The following TTLL10 variants were observed in gnomAD, a reference collection of about 807,000 sequenced individuals.
TTLL10 encodes tubulin tyrosine ligase like 10, also known as inactive polyglycylase TTLL10.
In TTLL10, 61 loss-of-function variants were observed where a neutral mutation model predicts 69.0. That is an observed-to-expected ratio of 0.88 (90% confidence interval 0.72 to 1.09). The LOEUF (loss-of-function observed/expected upper bound fraction) is 1.09, where lower values mean the gene tolerates loss of function less well. Ranked by LOEUF, TTLL10 falls within the 50% of genes least tolerant of loss-of-function variation. The pLI, the probability that TTLL10 is intolerant of heterozygous loss-of-function variation, is 0.00. For synonymous variants in TTLL10, 408 were observed against 393.3 expected (o/e 1.04, Z -0.44); for missense variants, 962 against 945.9 (o/e 1.02, Z -0.22).
chr1:1,197,180 AC>A lies in TTLL10; in HGVS notation c.1609del (p.Leu537TrpfsTer?). The A allele has an allele frequency of 6.5e-7, 1 of 1,548,468 alleles. No homozygotes were observed. The highest frequency in any genetic ancestry group is 8.7e-7 in the Non-Finnish European group (1 of 1,146,464). ...KEVIPGVVIE[T>X]LDLVLETFRK... ...GGTCATCCCAGGTGTGGTCATCGAG[AC>A]CCTGGGTGAGCCTCCAAGCCCCCAC... On this transcript the variant is annotated frameshift_variant, in exon 15 of 16. Transcript: ENST00000379289. LOFTEE classifies it high-confidence loss of function.
At chr1:1,193,181 C>T (rs1412190490) in intron 13 of TTLL10, among the ~76,000 whole-genome samples, 5 of 152,032 alleles carry the variant, frequency 3.3e-5, no homozygotes, top group Non-Finnish European at 5.9e-5. Context: ...AAACATTAGC[C>T]AGGCGTGGTG....
intron 13 of TTLL10, among the ~76,000 whole-genome samples, chr1:1,187,949 C>T (rs1647469926): frequency 6.6e-6 from 1 of 151,794 alleles, no homozygotes; most frequent in African/African-American, 2.4e-5. Flanking sequence ...GAAAATTACA[C>T]TTATGTTTCT....
chr1:1,182,738 C>G (rs1467786841), intron 10 of TTLL10, 138 bp from the exon 11 acceptor site: 2 of 1,235,792 alleles, frequency 1.6e-6, no homozygotes, highest in Non-Finnish European at 2.2e-6. Context: ...TGGGGCCAGG[C>G]GTGTGGTTAG....
chr1:1,196,260 G>A (rs534753874), intron 13 of TTLL10: 15 of 266,140 alleles, frequency 5.6e-5, no homozygotes, highest in African/African-American at 8.7e-5. Context: ...ACCAGAGCAC[G>A]TTAAAATACA....
intron 13 of TTLL10, among the ~76,000 whole-genome samples, chr1:1,195,652 CT>C (rs1485845489): frequency 1.3e-5 from 2 of 149,732 alleles, no homozygotes; most frequent in African/African-American, 4.9e-5. Context: ...GCCCATACTT[CT>C]TTTTTTTAGA....
In TTLL10 at chr1:1,185,820, T is replaced by C; in HGVS notation, c.1401+711T>C. The C allele has an allele frequency of 1.0e-6, 1 of 985,446 alleles. No individual in the cohort carries two copies. Among genetic ancestry groups the C allele is most frequent in the Non-Finnish European group, 1.2e-6 (1 of 829,924 alleles). 61.0% of individuals were successfully genotyped at this position (985,446 alleles called of 1,614,324 possible). Reference sequence around the variant, plus strand: ...CTTTCCTCACATCTCCCAAACTCTCTCTTAATTGCGATAATTCACAGAACA... The same window carrying C: ...CTTTCCTCACATCTCCCAAACTCTCCCTTAATTGCGATAATTCACAGAACA... On this transcript the variant is annotated intron_variant, in intron 13 of 15. Transcript: ENST00000379289. The surrounding 1 kb of genome is among the most constrained non-coding windows in gnomAD (Gnocchi z 6.1).
Position 1,182,348 on chromosome 1 carries a change from C to T in TTLL10, c.831-13C>T, listed in dbSNP as rs777950549. The T allele has an allele frequency of 3.7e-6, 6 of 1,612,400 alleles. No homozygotes were observed. Among genetic ancestry groups the T allele is most frequent in the East Asian group, 2.2e-5 (1 of 44,850 alleles). ...GGGACAGCAGCTCATCCTCCTGCCT[C>T]CCTGCCCTGCAGGGTCCTGAGAATG... is the stretch of plus-strand genomic sequence containing the variant. On this transcript the variant is annotated splice_polypyrimidine_tract_variant and intron_variant, in intron 9 of 15. Transcript: ENST00000379289.
rs1648277680 is a variant in TTLL10, at chr1:1,197,112, A to G, written c.1538A>G (p.Asn513Ser). ...DNFKVWLLEM[N>S]SNPALHTNCE... The stretch of plus-strand genomic sequence containing the variant: ...GGGCAGGTATGGCTGCTGGAGATGA[A>G]TTCTAACCCAGCCCTGCACACCAAC... Residue 513 changes from asparagine to serine, a missense_variant, in exon 15 of 16, where the codon AAT (asparagine) becomes AGT (serine). By Grantham distance (46) the Asn-to-Ser change is conservative (BLOSUM62 1). Transcript: ENST00000379289. 6.4e-7 allele frequency: 1 copy of G among 1,550,860 alleles called. No homozygotes were observed. Among genetic ancestry groups the G allele is most frequent in the African/African-American group, 1.4e-5 (1 of 72,938 alleles).
chr1:1,180,167 C>T lies in TTLL10; in HGVS notation c.333C>T (p.Pro111=), dbSNP rs773383865. 4 of 1,611,224 alleles carry T rather than the reference C, an allele frequency of 2.5e-6. No homozygotes were observed. Among genetic ancestry groups the T allele is most frequent in the South Asian group, 1.1e-5 (1 of 90,816 alleles). ...GGGCAGAAAGAGCCTCTGCCACACC[C>T]GGACCCCCTGGGCTCCTGAACAGCC... ...LEGAERASAT[P]GPPGLLNSHR... Residue 111 remains proline, a synonymous_variant, in exon 6 of 16, where the codon CCC becomes CCT. Coordinates refer to ENST00000379289, the MANE Select transcript of TTLL10 (RefSeq NM_001130045.2).
At position 1,196,713 on chromosome 1, in the gene TTLL10, C is replaced by T. The variant is rs1193160210; in HGVS notation, c.1515C>T (p.Phe505=). The T allele has an allele frequency of 4.5e-6, 7 of 1,548,910 alleles. No individual in the cohort carries two copies. Among genetic ancestry groups the T allele is most frequent in the Non-Finnish European group, 6.1e-6 (7 of 1,144,248 alleles). Residue 505 remains phenylalanine (F), a synonymous_variant, in exon 14 of 16, where the codon TTC becomes TTT. Coordinates refer to ENST00000379289, the MANE Select transcript of TTLL10 (RefSeq NM_001130045.2). The part of the protein sequence containing the change: ...IGCDFLIDDN[F]KVWLLEMNSN... ...GTGACTTCCTGATTGATGACAACTT[C>T]AAGGTGCTGTCCTGGGCGGCGGGGG...
chr1:1,176,716 C>CG (rs1481434399), intron 3 of TTLL10, among the ~76,000 whole-genome samples: 1 of 152,210 alleles, frequency 6.6e-6, no homozygotes, highest in Non-Finnish European at 1.5e-5. Flanking sequence ...TGTATCTCCC[C>CG]GGGCCTCCCC....
intron 13 of TTLL10, among the ~76,000 whole-genome samples, chr1:1,187,780 C>T (rs1647453546): frequency 1.3e-5 from 2 of 151,748 alleles, no homozygotes; most frequent in African/African-American, 2.4e-5. Flanking sequence ...TGGCGTGCAC[C>T]TGTAGTCCCA....
In TTLL10 at chr1:1,179,679, G is replaced by C. The variant is rs944380375; in HGVS notation, c.141G>C (p.Leu47=). Residue 47 remains leucine, a synonymous_variant, in exon 5 of 16, where the codon CTG becomes CTC. Coordinates refer to ENST00000379289, the MANE Select transcript of TTLL10 (RefSeq NM_001130045.2). ...RVSGTIPASR[L]HPAPASQPGP... ...CAGGGACCATCCCTGCGTCACGTCT[G>C]CACCCAGCACCGGCCTCACAGCCCG... is the stretch of plus-strand genomic sequence containing the variant. 19 of 1,550,858 alleles carry C rather than the reference G, an allele frequency of 1.2e-5. No homozygotes were observed. The highest frequency in any genetic ancestry group is 1.6e-5 in the Non-Finnish European group (18 of 1,146,854).
chr1:1,197,581 C>A lies in TTLL10; in HGVS notation c.1756C>A (p.Pro586Thr), dbSNP rs759044820. 2 of 1,513,290 alleles carry A rather than the reference C, an allele frequency of 1.3e-6. No homozygotes were observed. Among genetic ancestry groups the A allele is most frequent in the South Asian group, 1.2e-5 (1 of 81,268 alleles). 93.7% of individuals were successfully genotyped at this position (1,513,290 alleles called of 1,614,324 possible). Residue 586 changes from proline to threonine, a missense_variant, in exon 16 of 16, where the codon CCG becomes ACG. Coordinates refer to ENST00000379289, the MANE Select transcript of TTLL10 (RefSeq NM_001130045.2). ...GGGCTCGTGCAGCCTCCGCCGCTGG[C>A]CGCCCCTGCCCACCCGCCAGGCCAA... ...LGGSCSLRRW[P>T]PLPTRQAKSS... is the part of the protein sequence containing the mutation.
Position 1,180,503 on chromosome 1 carries a change from G to C in TTLL10, c.527G>C (p.Ser176Thr). The change falls in exon 7 of 16, where the codon AGC becomes ACC. Residue 176 changes from serine to threonine, a missense_variant. By Grantham distance (58) the Ser-to-Thr change is moderately conservative (BLOSUM62 1). Transcript: ENST00000379289. ...GATIISSYCK[S>T]KGWQRIHDSR... ...CGCAGCATCAGCTCCTACTGCAAAAGCAAGGGCTGGCAGCGCATCCATGAC... is the reference window on the plus strand; with the variant it reads ...CGCAGCATCAGCTCCTACTGCAAAACCAAGGGCTGGCAGCGCATCCATGAC... 1 of 1,538,036 alleles carries C rather than the reference G, an allele frequency of 6.5e-7. No individual in the cohort carries two copies. The highest frequency in any genetic ancestry group is 8.8e-7 in the Non-Finnish European group (1 of 1,140,380).
rs1647081187 is a variant in TTLL10, at chr1:1,181,871, G to A, written c.830+56G>A. On this transcript the variant is annotated intron_variant, in intron 9 of 15. Transcript: ENST00000379289. This position sits in a 1 kb window ranked among gnomAD's most constrained non-coding sequence, Gnocchi z 4.6. ...CAGACCGAAGTTCAGACCTAAACCTGGTGTCGTCTGAAAAGGAGAAAGCGG... is the reference window on the plus strand; with the variant it reads ...CAGACCGAAGTTCAGACCTAAACCTAGTGTCGTCTGAAAAGGAGAAAGCGG... The A allele has an allele frequency of 1.3e-6, 2 of 1,497,218 alleles. No homozygotes were observed. The highest frequency in any genetic ancestry group is 2.4e-5 in the South Asian group (2 of 83,064). The allele number at this position is 1,497,218 out of a possible 1,614,324, so 92.7% of individuals were successfully genotyped here.
At chr1:1,189,259 G>C (rs77836768) in intron 13 of TTLL10, among the ~76,000 whole-genome samples, 2 of 152,194 alleles carry the variant, frequency 1.3e-5, no homozygotes, top group East Asian at 1.9e-4. Flanking sequence ...AAATGCCCTC[G>C]TCAGGTTGAG....
Position 1,181,852 on chromosome 1 carries a change from G to GA in TTLL10, c.830+39dup. 1.3e-6 allele frequency: 2 copies of GA among 1,563,854 alleles called. No individual in the cohort carries two copies. ...CCAGCTGTGAGGGGCCCTTCAGACCGAAGTTCAGACCTAAACCTGGTGTCG... is the reference window on the plus strand; with the variant it reads ...CCAGCTGTGAGGGGCCCTTCAGACCGAAAGTTCAGACCTAAACCTGGTGTCG... On this transcript the variant is annotated intron_variant, in intron 9 of 15. Transcript: ENST00000379289. The surrounding 1 kb of genome is among the most constrained non-coding windows in gnomAD (Gnocchi z 4.6).
In TTLL10 at chr1:1,191,206, A is replaced by G. The variant is rs143154183; in HGVS notation, c.1402-5394A>G. 2.6e-5 allele frequency among the ~76,000 whole-genome samples: 4 copies of G among 152,256 alleles called. No homozygotes were observed. In the East Asian group the frequency reaches 7.7e-4, roughly 29 times the overall value. On this transcript the variant is annotated intron_variant, in intron 13 of 15. Coordinates refer to ENST00000379289, the MANE Select transcript of TTLL10 (RefSeq NM_001130045.2). Reference sequence around the variant, plus strand: ...GTTATTTAATTTCCACATATTTGTGATTTTTCCAATTTTCCTTCTGTTATT... The same window carrying G: ...GTTATTTAATTTCCACATATTTGTGGTTTTTCCAATTTTCCTTCTGTTATT...
Sources: gnomAD v4.1 joint callset for allele counts (sites outside exome capture counted in the v4.1 genomes callset) on GRCh38, gnomAD v4.1.1 for gene constraint, Gnocchi (gnomAD v3.1) non-coding constraint, MANE v1.5 for transcripts, NCBI Gene and HGNC (gene_info 2026-07-23, HGNC 2026-07-21) for gene names.